Variants in ZNF341 observed in about 807,000 individuals in gnomAD.
ZNF341 encodes zinc finger protein 341.
Under a neutral mutation model 87.7 loss-of-function variants are expected in ZNF341, and 52 were observed. That is an observed-to-expected ratio of 0.59 (90% confidence interval 0.47 to 0.75). The LOEUF (loss-of-function observed/expected upper bound fraction) is 0.75. ZNF341 is among the 30% of genes least tolerant of loss of function. The probability of loss-of-function intolerance (pLI) is 0.00; values close to 1 mark genes in which losing one functional copy is unlikely to be tolerated. For missense variants in ZNF341, 977 were observed against 1,145.9 expected (o/e 0.85, Z 2.13); for synonymous variants, 459 against 472.7 (o/e 0.97, Z 0.38).
chr20:33,757,181 C>T lies in ZNF341; in HGVS notation c.775C>T (p.Pro259Ser). The part of the protein sequence containing the change: ...PNQCVEPPVY[P>S]TPTVYSPGKQ... ...CCAGTGTGTGGAGCCTCCAGTATATCCCACCCCCACAGTGTACAGCCCTGG... is the reference window on the plus strand; with the variant it reads ...CCAGTGTGTGGAGCCTCCAGTATATTCCACCCCCACAGTGTACAGCCCTGG... Residue 259 changes from proline to serine, a missense_variant, in exon 6 of 15, where the codon CCC becomes TCC. Pro to Ser is a moderately conservative substitution (Grantham distance 74, BLOSUM62 -1). This residue lies in a region of ZNF341 where 515 missense variants were observed against 598.2 expected (regional missense o/e 0.86). Coordinates refer to ENST00000375200, the MANE Select transcript of ZNF341 (RefSeq NM_001282933.2). 1 of 1,501,574 alleles carries T rather than the reference C, an allele frequency of 6.7e-7. No individual in the cohort carries two copies. Among genetic ancestry groups the T allele is most frequent in the Non-Finnish European group, 8.9e-7 (1 of 1,124,556 alleles). The allele number at this position is 1,501,574 out of a possible 1,614,324, so 93.0% of individuals were successfully genotyped here.
chr20:33,754,510 C>T (rs1285827120), intron 5 of ZNF341, among the ~76,000 whole-genome samples: 1 of 152,148 alleles, frequency 6.6e-6, no homozygotes, highest in African/African-American at 2.4e-5. Flanking sequence ...GAGGCATTCA[C>T]GTGATGTTCT....
intron 2 of ZNF341, among the ~76,000 whole-genome samples, chr20:33,743,335 A>ATTTTT (rs143611794): frequency 9.3e-6 from 1 of 108,092 alleles, no homozygotes. Context: ...ACCCTGCCCA[A>ATTTTT]TTTTTTTTTT....
In ZNF341 at chr20:33,775,373, G is replaced by A. The variant is rs542375763; in HGVS notation, c.1622+5081G>A. 3.3e-5 allele frequency among the ~76,000 whole-genome samples: 5 copies of A among 151,872 alleles called. No homozygotes were observed. In the South Asian group the frequency reaches 6.2e-4, roughly 19 times the overall value. ...TACAAGGCACCTGCCACCATGCCCC[G>A]CTAATTTTTTGTATTTTTAGTAGAG... On this transcript the variant is annotated intron_variant, in intron 10 of 14. Coordinates refer to ENST00000375200, the MANE Select transcript of ZNF341 (RefSeq NM_001282933.2).
Position 33,766,925 on chromosome 20 carries a change from C to G in ZNF341, c.1297C>G (p.Pro433Ala). ...AGCTGGTGAGGAAGAGGGGGACAAGCCGGAGTCCAAGCAGGTGGTCCTCAT... is the reference window on the plus strand; with the variant it reads ...AGCTGGTGAGGAAGAGGGGGACAAGGCGGAGTCCAAGCAGGTGGTCCTCAT... Reference protein sequence around the residue: ...STAGEEEGDKPESKQVVLIDS... With the variant: ...STAGEEEGDKAESKQVVLIDS... The change falls in exon 9 of 15, where the codon CCG (proline) becomes GCG (alanine). Residue 433 changes from proline (P) to alanine (A), a missense_variant. Transcript: ENST00000375200. 1 of 1,614,178 alleles carries G rather than the reference C, an allele frequency of 6.2e-7. No individual in the cohort carries two copies. Among genetic ancestry groups the G allele is most frequent in the African/African-American group, 1.3e-5 (1 of 75,058 alleles).
intron 3 of ZNF341, among the ~76,000 whole-genome samples, chr20:33,748,111 C>T (rs1480267273): frequency 6.6e-6 from 1 of 151,940 alleles, no homozygotes; most frequent in South Asian, 2.1e-4. Context: ...CTCACTCTGT[C>T]GCCAGGCTGG....
intron 3 of ZNF341, among the ~76,000 whole-genome samples, chr20:33,746,348 C>T (rs2018924777): frequency 6.6e-6 from 1 of 151,238 alleles, no homozygotes; most frequent in Non-Finnish European, 1.5e-5. Flanking sequence ...ATTCTCCTGC[C>T]TCAGCCTCCA....
chr20:33,751,256 A>G (rs779869047), intron 4 of ZNF341, among the ~76,000 whole-genome samples: 1 of 152,010 alleles, frequency 6.6e-6, no homozygotes, highest in Non-Finnish European at 1.5e-5. Context: ...TGTAGCATAA[A>G]TTTCTAGAAG....
At chr20:33,752,149 G>T in intron 4 of ZNF341, 1 of 457,510 alleles carries the variant, frequency 2.2e-6, no homozygotes, top group South Asian at 1.7e-5. Context: ...TTTATTTGAG[G>T]TATTTGATGA....
intron 2 of ZNF341, 50 bp from the exon 3 acceptor site, chr20:33,745,053 T>C: frequency 1.3e-6 from 2 of 1,548,694 alleles, no homozygotes; most frequent in Non-Finnish European, 1.8e-6. Context: ...TTTTCATTAC[T>C]TTACCTTCAT....
chr20:33,752,792 C>T (rs1173768568), intron 4 of ZNF341, among the ~76,000 whole-genome samples: 4 of 151,780 alleles, frequency 2.6e-5, no homozygotes, highest in Non-Finnish European at 5.9e-5. Context: ...GCTGGGACTA[C>T]AGGCGCCCGC....
chr20:33,786,027 CTTTTTTTTTTTTT>C (rs11478588), intron 12 of ZNF341, among the ~76,000 whole-genome samples: 5 of 68,682 alleles, frequency 7.3e-5, no homozygotes, highest in East Asian at 1.3e-3. Flanking sequence ...ATGTATGAAC[CTTTTTTTTTTTTT>C]TTTTTTTTTT....
chr20:33,786,766 G>C (rs1371261739), intron 12 of ZNF341, among the ~76,000 whole-genome samples: 1 of 151,016 alleles, frequency 6.6e-6, no homozygotes, highest in African/African-American at 2.4e-5. Context: ...TCAAGAGTTT[G>C]AGACCAGCCT....
chr20:33,746,789 G>C (rs756526365), intron 3 of ZNF341, among the ~76,000 whole-genome samples: 1 of 152,152 alleles, frequency 6.6e-6, no homozygotes, highest in South Asian at 2.1e-4. Flanking sequence ...AGGTGTTGCT[G>C]ATAGAACTTG....
intron 5 of ZNF341, among the ~76,000 whole-genome samples, chr20:33,755,504 G>C (rs2019157952): frequency 6.7e-6 from 1 of 149,890 alleles, no homozygotes. Context: ...AGCTTTGTCT[G>C]ATTTTATTAC....
chr20:33,776,753 G>GACAGA, intron 10 of ZNF341, among the ~76,000 whole-genome samples: 1 of 151,988 alleles, frequency 6.6e-6, no homozygotes, highest in Non-Finnish European at 1.5e-5. Context: ...CTATTCACAG[G>GACAGA]TGTGGTCGCC....
At chr20:33,756,369 T>TC (rs1491518457) in intron 5 of ZNF341, among the ~76,000 whole-genome samples, 8 of 59,800 alleles carry the variant, frequency 1.3e-4, no homozygotes, top group African/African-American at 4.3e-4. Flanking sequence ...TCTCTCTCTC[T>TC]TTTTTTTTTT....
At chr20:33,764,561 ATTTTTT>A (rs1164096634) in intron 8 of ZNF341, among the ~76,000 whole-genome samples, 9 of 28,410 alleles carry the variant, frequency 3.2e-4, no homozygotes, top group African/African-American at 9.9e-4. Context: ...ATATATATAT[ATTTTTT>A]TTTTTTTTTT....
chr20:33,766,206 A>T (rs1023036163), intron 8 of ZNF341, among the ~76,000 whole-genome samples: 3 of 147,908 alleles, frequency 2.0e-5, no homozygotes, highest in African/African-American at 7.5e-5. Flanking sequence ...TATTATTATT[A>T]TTTTTTGAGA....
At chr20:33,758,646 C>A in intron 6 of ZNF341, 70 bp from the exon 7 acceptor site, 1 of 1,256,924 alleles carries the variant, frequency 8.0e-7, no homozygotes, top group Non-Finnish European at 1.1e-6. Context: ...ATACAGTAGT[C>A]AGAGGCTGCC....
Sources: gnomAD v4.1 joint callset for allele counts (sites outside exome capture counted in the v4.1 genomes callset) on GRCh38, gnomAD v4.1.1 for gene constraint, gnomAD v4.1.1 regional missense constraint, MANE v1.5 for transcripts, NCBI Gene and HGNC (gene_info 2026-07-23, HGNC 2026-07-21) for gene names.